Variants in LHFPL3 observed in about 807,000 individuals in gnomAD.
LHFPL3 encodes LHFPL tetraspan subfamily member 3 protein.
In LHFPL3, 5 loss-of-function variants were observed where a neutral mutation model predicts 19.3. The observed-to-expected ratio is 0.26, with a 90% CI of 0.14 to 0.54. The LOEUF is 0.54. LHFPL3 is among the 20% of genes least tolerant of loss of function. LHFPL3 has a pLI of 0.94. For synonymous variants in LHFPL3, 133 were observed against 126.2 expected, an observed-to-expected ratio of 1.05 and a Z score of -0.36; for missense variants, 249 against 307.4, an observed-to-expected ratio of 0.81 and a Z score of 1.42.
At chr7:104,800,637 T>A (rs981663871) in intron 2 of LHFPL3, among the ~76,000 whole-genome samples, 1 of 152,144 alleles carries the variant, frequency 6.6e-6, no homozygotes, top group African/African-American at 2.4e-5. Flanking sequence ...ACTGTCCCTT[T>A]AGATCCCCAC....
At chr7:104,874,349 G>A (rs183245374) in intron 2 of LHFPL3, among the ~76,000 whole-genome samples, 12 of 149,672 alleles carry the variant, frequency 8.0e-5, no homozygotes, top group Admixed American at 1.3e-4. Context: ...TTTTTCAAGA[G>A]TGTCTTTCTG....
At chr7:104,727,251 C>A (rs914497768) in intron 1 of LHFPL3, among the ~76,000 whole-genome samples, 9 of 152,274 alleles carry the variant, frequency 5.9e-5, no homozygotes, top group Admixed American at 5.9e-4. Context: ...AGATAGATTG[C>A]AAAACTTTTC....
At chr7:104,392,943 C>T (rs910866076) in intron 1 of LHFPL3, among the ~76,000 whole-genome samples, 1 of 152,112 alleles carries the variant, frequency 6.6e-6, no homozygotes, top group Non-Finnish European at 1.5e-5. Flanking sequence ...GGAATTTATC[C>T]ATTTCTTCTA....
chr7:104,562,464 A>C (rs1030642638), intron 1 of LHFPL3, among the ~76,000 whole-genome samples: 15 of 152,148 alleles, frequency 9.9e-5, no homozygotes, highest in African/African-American at 3.1e-4. Context: ...CTTTCTTCCA[A>C]TTGATCGCAT....
chr7:104,845,807 A>G (rs1198477290), intron 2 of LHFPL3, among the ~76,000 whole-genome samples: 1 of 152,226 alleles, frequency 6.6e-6, no homozygotes, highest in East Asian at 1.9e-4. Context: ...GCATGTGGGC[A>G]TCTCTGTACA....
intron 1 of LHFPL3, among the ~76,000 whole-genome samples, chr7:104,338,073 A>G (rs73713095): frequency 0.031 from 4,428 of 143,892 alleles, 236 homozygotes; most frequent in African/African-American, 0.11. Flanking sequence ...GGGTCTTATG[A>G]TACCTTTATT....
At chr7:104,827,418 AG>A (rs1239998542) in intron 2 of LHFPL3, among the ~76,000 whole-genome samples, 3 of 152,062 alleles carry the variant, frequency 2.0e-5, no homozygotes, top group African/African-American at 4.8e-5. Flanking sequence ...AGAAGATGGT[AG>A]GTACAATTAG....
intron 2 of LHFPL3, among the ~76,000 whole-genome samples, chr7:104,833,120 G>T: frequency 5.1e-5 from 1 of 19,454 alleles, no homozygotes; most frequent in Non-Finnish European, 1.2e-4. Flanking sequence ...ATCCTGAGGA[G>T]GATATATATA....
intron 1 of LHFPL3, among the ~76,000 whole-genome samples, chr7:104,686,627 A>C (rs561681538): frequency 6.6e-6 from 1 of 152,244 alleles, no homozygotes; most frequent in Non-Finnish European, 1.5e-5. Flanking sequence ...ATCAGATCCC[A>C]TAGGTTGAGG....
intron 1 of LHFPL3, among the ~76,000 whole-genome samples, chr7:104,598,057 C>G (rs1375646309): frequency 6.6e-6 from 1 of 151,982 alleles, no homozygotes; most frequent in East Asian, 1.9e-4. Flanking sequence ...GGGACAATGT[C>G]CCAAAGAAAT....
At chr7:104,799,943 C>G (rs867854632) in intron 2 of LHFPL3, 6 of 152,830 alleles carry the variant, frequency 3.9e-5, no homozygotes, top group Non-Finnish European at 8.8e-5. Context: ...ATTATGCCAA[C>G]AGCCTTCTTC....
chr7:104,684,906 C>A (rs1296957300), intron 1 of LHFPL3, among the ~76,000 whole-genome samples: 1 of 152,200 alleles, frequency 6.6e-6, no homozygotes, highest in African/African-American at 2.4e-5. Context: ...GCCCAGGGCA[C>A]CACTTGCCCT....
intron 2 of LHFPL3, among the ~76,000 whole-genome samples, chr7:104,771,569 C>T (rs996058108): frequency 1.3e-5 from 2 of 152,016 alleles, no homozygotes; most frequent in Non-Finnish European, 2.9e-5. Context: ...TTATAAATTA[C>T]ATTTTGAGTA....
At chr7:104,360,299 C>T (rs1790365949) in intron 1 of LHFPL3, among the ~76,000 whole-genome samples, 1 of 152,164 alleles carries the variant, frequency 6.6e-6, no homozygotes, top group African/African-American at 2.4e-5. Context: ...GTATCATGTT[C>T]CACAGTTAAC....
intron 1 of LHFPL3, among the ~76,000 whole-genome samples, chr7:104,654,039 A>G (rs895488241): frequency 2.0e-5 from 3 of 152,208 alleles, no homozygotes; most frequent in Non-Finnish European, 4.4e-5. Flanking sequence ...CCTAAGGTCT[A>G]CCCATTCACT....
intron 1 of LHFPL3, among the ~76,000 whole-genome samples, chr7:104,456,066 G>C (rs1792534129): frequency 1.3e-5 from 2 of 152,182 alleles, no homozygotes; most frequent in African/African-American, 4.8e-5. Flanking sequence ...AGTTTTCAGT[G>C]AGTTGACTGT....
intron 1 of LHFPL3, among the ~76,000 whole-genome samples, chr7:104,657,043 T>C (rs573087743): frequency 2.6e-5 from 4 of 152,376 alleles, no homozygotes; most frequent in Admixed American, 6.5e-5. Context: ...CCTGGCTGAC[T>C]TTGATGGCTC....
At chr7:104,393,547 C>A (rs532878317) in intron 1 of LHFPL3, among the ~76,000 whole-genome samples, 1 of 151,990 alleles carries the variant, frequency 6.6e-6, no homozygotes, top group East Asian at 1.9e-4. Context: ...GAAACCCCGT[C>A]TCTACTAAAA....
At chr7:104,329,419 C>A (rs563698003) in intron 1 of LHFPL3, among the ~76,000 whole-genome samples, 195 bp downstream of exon 1, 27 of 152,362 alleles carry the variant, frequency 1.8e-4, no homozygotes, top group Non-Finnish European at 3.5e-4. Flanking sequence ...GGCGCTGGCG[C>A]CTCGTCCCGG....
Sources: gnomAD v4.1 joint callset for allele counts (sites outside exome capture counted in the v4.1 genomes callset) on GRCh38, gnomAD v4.1.1 for gene constraint, MANE v1.5 for transcripts, NCBI Gene and HGNC (gene_info 2026-07-23, HGNC 2026-07-21) for gene names.